The following RSU1 variants were observed in gnomAD, a reference collection of about 807,000 sequenced individuals.
RSU1 encodes the protein Ras suppressor protein 1, also known as rsu-1.
RSU1 carries 26 observed loss-of-function variants against 31.1 expected under a neutral mutation model. The observed-to-expected ratio is 0.84, with a 90% CI of 0.61 to 1.16. RSU1 has a LOEUF of 1.16. Among genes scored for constraint, RSU1 ranks in the 50% most tolerant of loss-of-function variants. The probability of loss-of-function intolerance (pLI) is 0.00; values close to 1 mark genes in which losing one functional copy is unlikely to be tolerated. For synonymous variants in RSU1, 164 were observed against 136.3 expected, an observed-to-expected ratio of 1.20 and a Z score of -1.41; for missense variants, 320 against 339.1, an observed-to-expected ratio of 0.94 and a Z score of 0.44.
chr10:16,632,111 T>C (rs772858574), intron 8 of RSU1, among the ~76,000 whole-genome samples: 9 of 152,136 alleles, frequency 5.9e-5, no homozygotes, highest in Non-Finnish European at 1.2e-4. Flanking sequence ...CACCACCATA[T>C]AGCAACACTT....
At position 16,660,254 on chromosome 10, in the gene RSU1, C is replaced by A. The variant is rs535019013; in HGVS notation, c.731+34769G>T. Among the ~76,000 whole-genome samples, 17 of 152,258 alleles carry A rather than the reference C, an allele frequency of 1.1e-4. No individual in the cohort carries two copies. The East Asian group carries it at 2.5e-3, about 22-fold the overall frequency. The stretch of plus-strand genomic sequence containing the variant: ...TTGGGCATGACCCAAACTCACTGCA[C>A]GCCCAGTGTGCATCAGGGCCACATC... On this transcript the variant is annotated intron_variant, in intron 8 of 8. Transcript: ENST00000345264.
intron 7 of RSU1, among the ~76,000 whole-genome samples, chr10:16,702,477 C>T (rs1835811317): frequency 6.6e-6 from 1 of 152,206 alleles, no homozygotes; most frequent in South Asian, 2.1e-4. Flanking sequence ...CCATCCAGGG[C>T]TTTGGAAGGC....
intron 3 of RSU1, among the ~76,000 whole-genome samples, chr10:16,766,725 A>G (rs79010684): frequency 0.031 from 4,637 of 151,770 alleles, 162 homozygotes; most frequent in East Asian, 0.13. Flanking sequence ...CGAGAAGAGA[A>G]AAGATTGGCC....
chr10:16,788,087 C>T (rs926740734), intron 2 of RSU1, among the ~76,000 whole-genome samples: 1 of 151,542 alleles, frequency 6.6e-6, no homozygotes, highest in Admixed American at 6.5e-5. Flanking sequence ...TATAGTCTGA[C>T]ATGAAAAAAA....
At chr10:16,799,908 G>T (rs1037502901) in intron 2 of RSU1, among the ~76,000 whole-genome samples, 6 of 152,148 alleles carry the variant, frequency 3.9e-5, no homozygotes, top group African/African-American at 1.4e-4. Flanking sequence ...AGGCTCACTA[G>T]AGAGATCTAA....
intron 7 of RSU1, among the ~76,000 whole-genome samples, chr10:16,720,707 A>G (rs1836239312): frequency 6.6e-6 from 1 of 152,254 alleles, no homozygotes. Flanking sequence ...ATATGTGCAC[A>G]GACAAACCCC....
intron 7 of RSU1, among the ~76,000 whole-genome samples, chr10:16,703,105 CT>C (rs1400420402): frequency 6.6e-6 from 1 of 152,186 alleles, no homozygotes; most frequent in Non-Finnish European, 1.5e-5. Context: ...AGTCATCTCA[CT>C]CCCCCTTTGC....
chr10:16,768,032 G>C (rs1460939174), intron 3 of RSU1, among the ~76,000 whole-genome samples: 1 of 152,230 alleles, frequency 6.6e-6, no homozygotes, highest in Non-Finnish European at 1.5e-5. Flanking sequence ...CAGGATGCAT[G>C]AGCAAGAAGC....
At chr10:16,699,594 C>A (rs1366325943) in intron 7 of RSU1, among the ~76,000 whole-genome samples, 1 of 152,254 alleles carries the variant, frequency 6.6e-6, no homozygotes, top group Non-Finnish European at 1.5e-5. Context: ...GGAGCCCTCA[C>A]CCATCCCCTT....
intron 8 of RSU1, among the ~76,000 whole-genome samples, chr10:16,688,106 C>T (rs984861381): frequency 6.6e-6 from 1 of 152,010 alleles, no homozygotes; most frequent in African/African-American, 2.4e-5. Flanking sequence ...AAATGTGATG[C>T]TACCTAATTT....
intron 7 of RSU1, among the ~76,000 whole-genome samples, chr10:16,701,048 T>G (rs1348086270): frequency 6.6e-6 from 1 of 152,192 alleles, no homozygotes; most frequent in Non-Finnish European, 1.5e-5. Context: ...AAGGGAAATA[T>G]TAATGTTGGT....
intron 3 of RSU1, among the ~76,000 whole-genome samples, chr10:16,769,930 G>A (rs1300508483): frequency 6.6e-6 from 1 of 152,284 alleles, no homozygotes; most frequent in East Asian, 1.9e-4. Context: ...TTTATGGTAA[G>A]ATCACTGTTG....
At chr10:16,657,764 G>A (rs989893166) in intron 8 of RSU1, among the ~76,000 whole-genome samples, 2 of 151,972 alleles carry the variant, frequency 1.3e-5, no homozygotes, top group Admixed American at 6.6e-5. Context: ...AGGCTGAGGC[G>A]GGCAGATCAC....
At chr10:16,770,294 G>C (rs1837397810) in intron 3 of RSU1, among the ~76,000 whole-genome samples, 1 of 152,062 alleles carries the variant, frequency 6.6e-6, no homozygotes, top group African/African-American at 2.4e-5. Flanking sequence ...CCCACGGGAG[G>C]GTCAGGGGGT....
chr10:16,709,306 A>C lies in RSU1; in HGVS notation c.599-14151T>G, dbSNP rs928254939. Among the ~76,000 whole-genome samples, 15 of 152,184 alleles carry C rather than the reference A, an allele frequency of 9.9e-5. No homozygotes were observed. In the East Asian group the frequency reaches 1.4e-3, roughly 14 times the overall value. On this transcript the variant is annotated intron_variant, in intron 7 of 8. Coordinates refer to ENST00000345264, the MANE Select transcript of RSU1 (RefSeq NM_012425.4). ...TGATGATTTCCAATTTCATCCATGT[A>C]CCTACAAAGGACATGAACTCATCAT...
intron 8 of RSU1, among the ~76,000 whole-genome samples, chr10:16,619,483 C>A (rs1006044239): frequency 9.2e-5 from 14 of 152,216 alleles, no homozygotes; most frequent in African/African-American, 3.4e-4. Context: ...CTTAATCTCA[C>A]CCCAGTGTAG....
chr10:16,762,008 C>T (rs1336859444), intron 4 of RSU1, among the ~76,000 whole-genome samples: 2 of 152,124 alleles, frequency 1.3e-5, no homozygotes, highest in Admixed American at 6.5e-5. Context: ...GACTAAAGTG[C>T]TCCCCGGTCT....
chr10:16,775,567 A>C (rs1837510329), intron 3 of RSU1, among the ~76,000 whole-genome samples: 1 of 152,160 alleles, frequency 6.6e-6, no homozygotes, highest in Non-Finnish European at 1.5e-5. Flanking sequence ...ATTAGATGCC[A>C]CCGGCAGGAC....
At chr10:16,714,840 G>C (rs534391274) in intron 7 of RSU1, among the ~76,000 whole-genome samples, 2 of 152,122 alleles carry the variant, frequency 1.3e-5, no homozygotes, top group African/African-American at 4.8e-5. Flanking sequence ...CTTAGGTTGC[G>C]GGTCCTCAAT....
Sources: gnomAD v4.1 joint callset for allele counts (sites outside exome capture counted in the v4.1 genomes callset) on GRCh38, gnomAD v4.1.1 for gene constraint, MANE v1.5 for transcripts, NCBI Gene and HGNC (gene_info 2026-07-23, HGNC 2026-07-21) for gene names.